IFIT3: variants seen among roughly 807,000 people sequenced by gnomAD.
The protein encoded by IFIT3 is interferon induced protein with tetratricopeptide repeats 3, also known as interferon-induced protein with tetratricopeptide repeats 3.
IFIT3 carries 2 observed loss-of-function variants against 2.4 expected under a neutral mutation model. That is an observed-to-expected ratio of 0.82 (90% confidence interval 0.34 to 2.60). IFIT3 has a LOEUF of 2.60. IFIT3 is among the 30% of genes most tolerant of loss of function. The pLI, the probability that IFIT3 is intolerant of heterozygous loss-of-function variation, is 0.11. For missense variants in IFIT3, 481 were observed against 562.4 expected (o/e 0.86, Z 1.46); for synonymous variants, 203 against 212.1 (o/e 0.96, Z 0.37).
At position 89,339,832 on chromosome 10, in the gene IFIT3, A is replaced by G. The variant is rs1843827871; in HGVS notation, c.1177A>G (p.Thr393Ala). ...GGGTTTGTCCATAAGCAAAAAATCA[A>G]CTGACAAGGAAGAGATCAAAGACCA... ...LEGLSISKKS[T>A]DKEEIKDQPQ... The change falls in exon 2 of 2, where the codon ACT becomes GCT. Residue 393 changes from threonine (T) to alanine (A), a missense_variant. Physicochemically the swap from Thr to Ala is moderately conservative, Grantham distance 58. Transcript: ENST00000371818. 6.2e-7 allele frequency: 1 copy of G among 1,614,114 alleles called. No individual in the cohort carries two copies. Among genetic ancestry groups the G allele is most frequent in the South Asian group, 1.1e-5 (1 of 91,090 alleles).
rs578154457 is a variant in IFIT3 at position 89,334,478 on chromosome 10, C to CTTTTTTTTTTTT, written c.6-4159_6-4148dup. ...TGTTTTTTCTTCTTTTTCTTTTATT[C>CTTTTTTTTTTTT]TTTTTTTTTTTTTTTTTTTTTTTTT... is the stretch of plus-strand genomic sequence containing the variant. On this transcript the variant is annotated intron_variant, in intron 1 of 1. Coordinates refer to ENST00000371818, the MANE Select transcript of IFIT3 (RefSeq NM_001549.6). 2.6e-3 allele frequency among the ~76,000 whole-genome samples: 65 copies of CTTTTTTTTTTTT among 25,334 alleles called. 1 individual carries two copies. The highest frequency in any genetic ancestry group is 3.5e-3 in the Non-Finnish European group (50 of 14,414). The allele number at this position is 25,334 out of a possible 152,430, so 16.6% of individuals were successfully genotyped here. A position where few individuals can be genotyped will look rare whatever the true frequency, so the allele number is the denominator to read the frequency against.
At chr10:89,333,215 GGTGTTGCTTGCA>G (rs1036960899) in intron 1 of IFIT3, among the ~76,000 whole-genome samples, 5 of 152,306 alleles carry the variant, frequency 3.3e-5, no homozygotes, top group African/African-American at 1.2e-4. Context: ...ACAGGGAGAA[GGTGTTGCTTGCA>G]GTCTCTCAAA....
intron 1 of IFIT3, among the ~76,000 whole-genome samples, chr10:89,333,728 G>A (rs779458514): frequency 4.6e-5 from 7 of 152,190 alleles, no homozygotes; most frequent in Non-Finnish European, 1.0e-4. Context: ...ATTTAAGTAT[G>A]AGAAACTGGT....
chr10:89,339,191 C>T lies in IFIT3; in HGVS notation c.536C>T (p.Ala179Val), dbSNP rs773888170. ...NPEFSSGLAI[A>V]MYHLDNHPEK... is the part of the protein sequence containing the mutation. ...GAATTCTCCTCTGGACTGGCAATTG[C>T]GATGTACCATCTGGATAATCACCCA... Residue 179 changes from alanine (A) to valine (V), a missense_variant, in exon 2 of 2, where the codon GCG (alanine) becomes GTG (valine). Transcript: ENST00000371818. The T allele has an allele frequency of 2.0e-5, 32 of 1,614,002 alleles. No homozygotes were observed. The highest frequency in any genetic ancestry group is 4.0e-5 in the African/African-American group (3 of 74,906).
intron 1 of IFIT3, 108 bp downstream of exon 1, chr10:89,328,186 C>T: frequency 9.1e-7 from 1 of 1,101,758 alleles, no homozygotes; most frequent in Middle Eastern, 2.0e-4. Flanking sequence ...TTTATAGATT[C>T]AATATGTCTT....
Position 89,338,781 on chromosome 10 carries a change from T to C in IFIT3, c.126T>C (p.Ile42=). The part of the protein sequence containing the change: ...RDLEDRVCNQ[I]EFLNTEFKAT... ...TAGAAGATAGAGTGTGTAACCAGAT[T>C]GAATTTTTAAACACTGAGTTCAAAG... Residue 42 remains isoleucine, a synonymous_variant, in exon 2 of 2, where the codon ATT becomes ATC. Coordinates refer to ENST00000371818, the MANE Select transcript of IFIT3 (RefSeq NM_001549.6). 6.2e-7 allele frequency: 1 copy of C among 1,614,094 alleles called. No individual in the cohort carries two copies. Among genetic ancestry groups the C allele is most frequent in the Non-Finnish European group, 8.5e-7 (1 of 1,180,002 alleles).
At chr10:89,332,607 C>T in intron 1 of IFIT3, 1 of 1,614,060 alleles carries the variant, frequency 6.2e-7, no homozygotes. Context: ...TTCAGAACTG[C>T]AGGGAAACAG....
In IFIT3 at chr10:89,339,948, G is replaced by T. The variant is rs1009212826; in HGVS notation, c.1293G>T (p.Leu431=). The change falls in exon 2 of 2, where the codon CTG becomes CTT. Residue 431 remains leucine (L), a synonymous_variant. Coordinates refer to ENST00000371818, the MANE Select transcript of IFIT3 (RefSeq NM_001549.6). The stretch of plus-strand genomic sequence containing the variant: ...TAATTCATAAGCAGAATGGAGATCT[G>T]CTGCAAGCAGCCAAATGTTATGAGA... The part of the protein sequence containing the change: ...QGLIHKQNGD[L]LQAAKCYEKE... The T allele has an allele frequency of 4.3e-6, 7 of 1,614,064 alleles. No homozygotes were observed. The East Asian group carries it at 1.3e-4, about 31-fold the overall frequency.
chr10:89,336,595 C>T (rs1843744529), intron 1 of IFIT3, among the ~76,000 whole-genome samples: 1 of 152,166 alleles, frequency 6.6e-6, no homozygotes, highest in African/African-American at 2.4e-5. Flanking sequence ...CCTTGTAGAA[C>T]AAAATGCATT....
intron 1 of IFIT3, among the ~76,000 whole-genome samples, chr10:89,334,434 C>G (rs944087718): frequency 2.0e-5 from 3 of 146,816 alleles, no homozygotes; most frequent in African/African-American, 7.5e-5. Flanking sequence ...CCCCAAGTTT[C>G]ACCTGAACCT....
In IFIT3 at chr10:89,340,057, G is replaced by T; in HGVS notation, c.1402G>T (p.Glu468Ter). The T allele has an allele frequency of 6.2e-7, 1 of 1,614,122 alleles. No homozygotes were observed. The highest frequency in any genetic ancestry group is 8.5e-7 in the Non-Finnish European group (1 of 1,180,004). The part of the protein sequence containing the change: ...LSASELEDGS[E>*]EMGQGAVSSS... The stretch of plus-strand genomic sequence containing the variant: ...AGCATCTGAGCTTGAGGATGGTAGT[G>T]AGGAAATGGGCCAGGGCGCAGTCAG... The change falls in exon 2 of 2, where the codon GAG (glutamate) becomes TAG (stop). Residue 468 changes from glutamate to a stop codon, truncating the protein, a stop_gained. Coordinates refer to ENST00000371818, the MANE Select transcript of IFIT3 (RefSeq NM_001549.6). LOFTEE classifies it low-confidence loss of function (END_TRUNC).
At chr10:89,338,529 T>G in intron 1 of IFIT3, 132 bp from the exon 2 acceptor site, 1 of 820,536 alleles carries the variant, frequency 1.2e-6, no homozygotes, top group Non-Finnish European at 1.9e-6. Flanking sequence ...CTCACATACA[T>G]ACCCAGAAAT....
intron 1 of IFIT3, among the ~76,000 whole-genome samples, chr10:89,337,134 G>GGAAAAGATGAA (rs1376271688): frequency 6.6e-6 from 1 of 152,132 alleles, no homozygotes; most frequent in Non-Finnish European, 1.5e-5. Context: ...TGTAAGTGGT[G>GGAAAAGATGAA]GAAAAGATGA....
chr10:89,336,631 G>C (rs1362960085), intron 1 of IFIT3, among the ~76,000 whole-genome samples: 1 of 152,202 alleles, frequency 6.6e-6, no homozygotes, highest in Non-Finnish European at 1.5e-5. Context: ...TGTTTATTCT[G>C]AGATTACTTT....
Position 89,340,175 on chromosome 10 carries a change from G to A in IFIT3, c.*47G>A. The A allele has an allele frequency of 6.6e-7, 1 of 1,519,480 alleles. No homozygotes were observed. The allele number at this position is 1,519,480 out of a possible 1,614,324, so 94.1% of individuals were successfully genotyped here. ...ATCAGAAGCCTGCAGTGGTGGTTGTGACGGGTAGGACGATAGGAAGACAGG... is the reference window on the plus strand; with the variant it reads ...ATCAGAAGCCTGCAGTGGTGGTTGTAACGGGTAGGACGATAGGAAGACAGG... On this transcript the variant is annotated 3_prime_UTR_variant, in exon 2 of 2. Transcript: ENST00000371818.
At position 89,338,765 on chromosome 10, in the gene IFIT3, G is replaced by A. The variant is rs1277098885; in HGVS notation, c.110G>A (p.Arg37Lys). The change falls in exon 2 of 2, where the codon AGA (arginine) becomes AAA (lysine). Residue 37 changes from arginine (R) to lysine (K), a missense_variant. Arg to Lys is a conservative substitution (Grantham distance 26). Coordinates refer to ENST00000371818, the MANE Select transcript of IFIT3 (RefSeq NM_001549.6). Reference protein sequence around the residue: ...EDSVSRDLEDRVCNQIEFLNT... With the variant: ...EDSVSRDLEDKVCNQIEFLNT... Reference sequence around the variant, plus strand: ...AGTGTCTCAAGGGATCTAGAAGATAGAGTGTGTAACCAGATTGAATTTTTA... The same window carrying A: ...AGTGTCTCAAGGGATCTAGAAGATAAAGTGTGTAACCAGATTGAATTTTTA... The A allele has an allele frequency of 7.4e-6, 12 of 1,614,110 alleles. No individual in the cohort carries two copies. Among genetic ancestry groups the A allele is most frequent in the Non-Finnish European group, 9.3e-6 (11 of 1,179,968 alleles).
At chr10:89,332,677 C>T in intron 1 of IFIT3, 1 of 1,558,370 alleles carries the variant, frequency 6.4e-7, no homozygotes, top group Non-Finnish European at 8.9e-7. Flanking sequence ...TTATGTACAA[C>T]TTCCTGACTT....
Position 89,340,248 on chromosome 10 carries a change from T to C in IFIT3, c.*120T>C. ...AGCAGGGAAGCTTTGCATGTTGCTC[T>C]AAGGTACATTTTTAAAGAGTTGTTT... On this transcript the variant is annotated 3_prime_UTR_variant, in exon 2 of 2. Coordinates refer to ENST00000371818, the MANE Select transcript of IFIT3 (RefSeq NM_001549.6). 1 of 1,067,308 alleles carries C rather than the reference T, an allele frequency of 9.4e-7. No individual in the cohort carries two copies. The highest frequency in any genetic ancestry group is 1.3e-6 in the Non-Finnish European group (1 of 763,346). 66.1% of individuals were successfully genotyped at this position (1,067,308 alleles called of 1,614,324 possible). A position where few individuals can be genotyped will look rare whatever the true frequency, so the allele number is the denominator to read the frequency against.
chr10:89,328,393 C>A (rs779891087), intron 1 of IFIT3, among the ~76,000 whole-genome samples: 1 of 152,140 alleles, frequency 6.6e-6, no homozygotes, highest in Non-Finnish European at 1.5e-5. Flanking sequence ...TTGGCAGGAG[C>A]GGTGTATTTC....
Sources: allele counts gnomAD v4.1 joint callset (sites outside exome capture counted in the v4.1 genomes callset), GRCh38; gene constraint gnomAD v4.1.1; transcripts MANE v1.5; gene names NCBI Gene and HGNC (gene_info 2026-07-23, HGNC 2026-07-21).